Variants in ANTXR2 observed in about 807,000 individuals in gnomAD.
The protein encoded by ANTXR2 is ANTXR cell adhesion molecule 2.
A neutral mutation model predicts 73.7 loss-of-function variants in ANTXR2; 44 were observed. That is an observed-to-expected ratio of 0.60 (90% confidence interval 0.47 to 0.77). The LOEUF (loss-of-function observed/expected upper bound fraction) is 0.77. ANTXR2 is among the 30% of genes least tolerant of loss of function. ANTXR2 has a pLI of 0.00. For missense variants in ANTXR2, 604 were observed against 592.5 expected, an observed-to-expected ratio of 1.02 and a Z score of -0.20; for synonymous variants, 217 against 205.9, an observed-to-expected ratio of 1.05 and a Z score of -0.46.
intron 14 of ANTXR2, among the ~76,000 whole-genome samples, chr4:79,983,392 T>C (rs1471025409): frequency 6.6e-6 from 1 of 152,164 alleles, no homozygotes; most frequent in African/African-American, 2.4e-5. Context: ...TGATATATAA[T>C]ATCAATTACA....
chr4:79,920,663 G>A (rs914903019), intron 16 of ANTXR2, among the ~76,000 whole-genome samples: 9 of 152,098 alleles, frequency 5.9e-5, no homozygotes, highest in African/African-American at 2.2e-4. Context: ...GGAACACAGT[G>A]AGCAATGCAG....
At chr4:79,932,517 G>C (rs1319865481) in intron 16 of ANTXR2, among the ~76,000 whole-genome samples, 1 of 152,040 alleles carries the variant, frequency 6.6e-6, no homozygotes, top group Non-Finnish European at 1.5e-5. Flanking sequence ...TGATGGCCAG[G>C]AGTGGTGGCT....
intron 16 of ANTXR2, among the ~76,000 whole-genome samples, chr4:79,926,912 T>TATATGTGTGTATATACACATGTGTGC (rs1727811892): frequency 9.3e-6 from 1 of 107,316 alleles, no homozygotes; most frequent in East Asian, 7.2e-4. Context: ...CATGTGTGCA[T>TATATGTGTGTATATACACATGTGTGC]ATATGTGTAT....
At chr4:79,907,750 A>G (rs1578072104) in intron 16 of ANTXR2, among the ~76,000 whole-genome samples, 1 of 152,190 alleles carries the variant, frequency 6.6e-6, no homozygotes. Flanking sequence ...CATTACTATC[A>G]CGGCCATAAA....
rs868323155 is a variant in ANTXR2 at position 80,009,808 on chromosome 4, C to T, written c.946-1192G>A. Among the ~76,000 whole-genome samples the T allele has an allele frequency of 5.4e-5, 8 of 149,322 alleles. No individual in the cohort carries two copies. The South Asian group carries it at 1.7e-3, about 32-fold the overall frequency. ...TTTGCCATGAGCCGAGATTGCACCA[C>T]TGCATTCCAGCCTGGGAGACAGAGT... On this transcript the variant is annotated intron_variant, in intron 11 of 16. Coordinates refer to ENST00000403729, the MANE Select transcript of ANTXR2 (RefSeq NM_058172.6).
chr4:80,002,130 G>A (rs1445689654), intron 12 of ANTXR2, among the ~76,000 whole-genome samples: 1 of 152,092 alleles, frequency 6.6e-6, no homozygotes, highest in African/African-American at 2.4e-5. Context: ...GAACAAAGCT[G>A]GAGGCATCAC....
chr4:80,013,865 A>G (rs899955018), intron 11 of ANTXR2, among the ~76,000 whole-genome samples: 33 of 152,248 alleles, frequency 2.2e-4, no homozygotes, highest in African/African-American at 6.8e-4. Context: ...TAATTTTCCT[A>G]TAATTACTGT....
chr4:79,911,490 T>A (rs1022669523), intron 16 of ANTXR2, among the ~76,000 whole-genome samples: 1 of 151,834 alleles, frequency 6.6e-6, no homozygotes, highest in African/African-American at 2.4e-5. Context: ...TTTATTATAA[T>A]TTTAATATTT....
intron 16 of ANTXR2, among the ~76,000 whole-genome samples, chr4:79,956,085 A>T (rs909094347): frequency 1.3e-5 from 2 of 152,154 alleles, no homozygotes; most frequent in African/African-American, 4.8e-5. Flanking sequence ...CACAACTTCT[A>T]AGGTTTCTTG....
At chr4:80,072,368 C>T (rs1379285653) in intron 1 of ANTXR2, 41 bp downstream of exon 1, 1 of 1,538,204 alleles carries the variant, frequency 6.5e-7, no homozygotes, top group Non-Finnish European at 8.8e-7. Context: ...GATCCAGTGC[C>T]GCCCTCACCA....
chr4:80,038,042 G>GA (rs1733061205), intron 7 of ANTXR2, among the ~76,000 whole-genome samples: 1 of 151,956 alleles, frequency 6.6e-6, no homozygotes, highest in African/African-American at 2.4e-5. Flanking sequence ...CAGTATTACT[G>GA]AAAAAATATT....
intron 11 of ANTXR2, among the ~76,000 whole-genome samples, chr4:80,010,708 C>A (rs1230121467): frequency 6.6e-6 from 1 of 151,972 alleles, no homozygotes; most frequent in Non-Finnish European, 1.5e-5. Context: ...ATGGGCTAGC[C>A]CTGCTAGATA....
In ANTXR2 at chr4:80,072,730, G is replaced by C. The variant is rs767809458; in HGVS notation, c.-170C>G. 5 of 1,345,384 alleles carry C rather than the reference G, an allele frequency of 3.7e-6. No individual in the cohort carries two copies. Among genetic ancestry groups the C allele is most frequent in the Non-Finnish European group, 4.7e-6 (5 of 1,053,828 alleles). The allele number at this position is 1,345,384 out of a possible 1,614,324, so 83.3% of individuals were successfully genotyped here. A position where few individuals can be genotyped will look rare whatever the true frequency, so the allele number is the denominator to read the frequency against. ...CCACCAGCTGACAGGGAGGGAGAGAGGGAGGTCCTGAGAGGACAAAGGGAG... is the reference window on the plus strand; with the variant it reads ...CCACCAGCTGACAGGGAGGGAGAGACGGAGGTCCTGAGAGGACAAAGGGAG... On this transcript the variant is annotated 5_prime_UTR_variant, in exon 1 of 17. Coordinates refer to ENST00000403729, the MANE Select transcript of ANTXR2 (RefSeq NM_058172.6).
chr4:79,962,509 G>A (rs897323446), intron 16 of ANTXR2, among the ~76,000 whole-genome samples: 3 of 152,100 alleles, frequency 2.0e-5, no homozygotes, highest in Non-Finnish European at 2.9e-5. Context: ...AAGACTAGTG[G>A]TATTCTTTTC....
At chr4:80,035,859 G>T in intron 8 of ANTXR2, 113 bp downstream of exon 8, 1 of 830,792 alleles carries the variant, frequency 1.2e-6, no homozygotes, top group Non-Finnish European at 1.9e-6. Context: ...CAAAAAAGAT[G>T]CCAAAAAAGT....
chr4:79,917,757 G>A (rs1313490048), intron 16 of ANTXR2, among the ~76,000 whole-genome samples: 2 of 151,894 alleles, frequency 1.3e-5, no homozygotes, highest in East Asian at 1.9e-4. Flanking sequence ...AAGGGTAAAC[G>A]TTACCAGACG....
At chr4:80,055,032 T>TA (rs1733927777) in intron 6 of ANTXR2, 118 bp downstream of exon 6, 2 of 910,196 alleles carry the variant, frequency 2.2e-6, no homozygotes, top group African/African-American at 1.7e-5. Context: ...GCCATTTCTA[T>TA]AAAAAATCTT....
At chr4:79,985,838 CTTTTTTT>C (rs572381265) in intron 12 of ANTXR2, among the ~76,000 whole-genome samples, 1 of 111,688 alleles carries the variant, frequency 9.0e-6, no homozygotes. Context: ...ACAGTTAATT[CTTTTTTT>C]TTTTTTTTTT....
At chr4:79,919,869 A>T (rs1382517048) in intron 16 of ANTXR2, among the ~76,000 whole-genome samples, 9 of 2,796 alleles carry the variant, frequency 3.2e-3, no homozygotes, top group Non-Finnish European at 7.7e-3. Flanking sequence ...CATATTTTAT[A>T]TATATATATA....
Sources: allele counts gnomAD v4.1 joint callset (sites outside exome capture counted in the v4.1 genomes callset), GRCh38; gene constraint gnomAD v4.1.1; transcripts MANE v1.5; gene names NCBI Gene and HGNC (gene_info 2026-07-23, HGNC 2026-07-21).